The following CSMD1 variants were observed in gnomAD, a reference collection of about 807,000 sequenced individuals.
CSMD1 encodes CUB and Sushi multiple domains 1, also known as CUB and sushi domain-containing protein 1.
Under a neutral mutation model 417.5 loss-of-function variants are expected in CSMD1, and 213 were observed. That is an observed-to-expected ratio of 0.51 (90% CI 0.46 to 0.57). CSMD1 has a LOEUF of 0.57. Among genes scored for constraint, CSMD1 ranks in the 20% least tolerant of loss-of-function variants. The probability of loss-of-function intolerance (pLI) is 0.00; values close to 1 mark genes in which losing one functional copy is unlikely to be tolerated. For missense variants in CSMD1, 6,923 were observed against 4,529.7 expected, an observed-to-expected ratio of 1.53 and a Z score of -15.17; for synonymous variants, 2,862 against 1,736.8, an observed-to-expected ratio of 1.65 and a Z score of -16.11.
At chr8:4,877,123 CTTTT>C (rs1338611315) in intron 1 of CSMD1, among the ~76,000 whole-genome samples, 3 of 151,902 alleles carry the variant, frequency 2.0e-5, no homozygotes, top group South Asian at 2.1e-4. Context: ...TTAAGTTTTT[CTTTT>C]TATCATGCTC....
chr8:4,127,788 C>T (rs1275823034), intron 3 of CSMD1, among the ~76,000 whole-genome samples: 1 of 152,176 alleles, frequency 6.6e-6, no homozygotes, highest in Non-Finnish European at 1.5e-5. Context: ...AATCTTTACT[C>T]TGAAGTAGAT....
chr8:3,146,874 T>TAA (rs1818879134), intron 40 of CSMD1, among the ~76,000 whole-genome samples: 1 of 152,180 alleles, frequency 6.6e-6, no homozygotes, highest in South Asian at 2.1e-4. Flanking sequence ...ATTATTTGAC[T>TAA]AAACTGGCAA....
At chr8:4,462,833 C>A (rs962839440) in intron 2 of CSMD1, among the ~76,000 whole-genome samples, 2 of 151,956 alleles carry the variant, frequency 1.3e-5, no homozygotes, top group South Asian at 4.1e-4. Context: ...AAATCATAGA[C>A]CCAAATGTAA....
intron 30 of CSMD1, among the ~76,000 whole-genome samples, chr8:3,213,832 A>C (rs949436708): frequency 6.9e-6 from 1 of 145,156 alleles, no homozygotes; most frequent in Non-Finnish European, 1.5e-5. Context: ...GTGTCTGTGT[A>C]TGTGTGTGTG....
At chr8:3,970,585 A>G (rs1226861995) in intron 5 of CSMD1, among the ~76,000 whole-genome samples, 1 of 152,158 alleles carries the variant, frequency 6.6e-6, no homozygotes, top group Non-Finnish European at 1.5e-5. Context: ...TTAAAGACCC[A>G]ACAGAATGAA....
At chr8:3,116,697 A>G (rs145837031) in intron 42 of CSMD1, among the ~76,000 whole-genome samples, 2 of 152,232 alleles carry the variant, frequency 1.3e-5, no homozygotes, top group Non-Finnish European at 2.9e-5. Flanking sequence ...AGTTATTTCC[A>G]TATTGAAAAA....
intron 12 of CSMD1, among the ~76,000 whole-genome samples, chr8:3,441,256 A>C (rs1814965821): frequency 6.6e-6 from 1 of 151,996 alleles, no homozygotes; most frequent in Non-Finnish European, 1.5e-5. Context: ...TGGCCTCCAG[A>C]GCTTTGAGAG....
intron 1 of CSMD1, among the ~76,000 whole-genome samples, chr8:4,963,455 C>T (rs1054189135): frequency 3.3e-5 from 5 of 152,200 alleles, no homozygotes; most frequent in African/African-American, 1.2e-4. Context: ...CCACCTCGAC[C>T]TCCCAAAGTG....
intron 7 of CSMD1, among the ~76,000 whole-genome samples, chr8:3,698,229 C>T (rs1800663021): frequency 6.6e-6 from 1 of 152,130 alleles, no homozygotes; most frequent in Admixed American, 6.6e-5. Flanking sequence ...TGACAAACGC[C>T]TGTTTAGAAA....
At chr8:3,449,170 T>C (rs1815521574) in intron 12 of CSMD1, among the ~76,000 whole-genome samples, 1 of 152,224 alleles carries the variant, frequency 6.6e-6, no homozygotes, top group South Asian at 2.1e-4. Context: ...TGAAATTAGT[T>C]GGTGGGGGGA....
At chr8:4,662,560 A>G (rs572618363) in intron 1 of CSMD1, among the ~76,000 whole-genome samples, 20 of 152,300 alleles carry the variant, frequency 1.3e-4, no homozygotes, top group African/African-American at 4.8e-4. Context: ...GGAGAATGCT[A>G]ATGTAAAGAT....
At chr8:3,840,808 G>A (rs544032452) in intron 5 of CSMD1, among the ~76,000 whole-genome samples, 1 of 150,784 alleles carries the variant, frequency 6.6e-6, no homozygotes, top group Non-Finnish European at 1.5e-5. Flanking sequence ...CAATTCTCCT[G>A]TCTCAACCTT....
At chr8:3,428,358 T>C (rs139496333) in intron 12 of CSMD1, among the ~76,000 whole-genome samples, 2 of 152,306 alleles carry the variant, frequency 1.3e-5, no homozygotes, top group East Asian at 3.9e-4. Flanking sequence ...TTGCAGCTTA[T>C]GCCAATATTC....
intron 1 of CSMD1, among the ~76,000 whole-genome samples, chr8:4,649,530 T>A (rs1803749901): frequency 6.6e-6 from 1 of 152,218 alleles, no homozygotes; most frequent in African/African-American, 2.4e-5. Flanking sequence ...CCTGTGCTCA[T>A]CCTATCCTGA....
At chr8:3,643,700 C>CAAAAAAAAAAAAAAAAAAAAAAAAAAAA (rs66500235) in intron 7 of CSMD1, among the ~76,000 whole-genome samples, 2 of 85,334 alleles carry the variant, frequency 2.3e-5, no homozygotes, top group African/African-American at 9.7e-5. Flanking sequence ...GACTCCGTCT[C>CAAAAAAAAAAAAAAAAAAAAAAAAAAAA]AAAAAAAAAA....
intron 2 of CSMD1, among the ~76,000 whole-genome samples, chr8:4,462,817 A>C (rs946042664): frequency 6.6e-6 from 1 of 151,948 alleles, no homozygotes; most frequent in Non-Finnish European, 1.5e-5. Context: ...CCACAAAAAA[A>C]TTGATAAATC....
intron 5 of CSMD1, among the ~76,000 whole-genome samples, chr8:3,947,048 C>T (rs1003730064): frequency 1.3e-5 from 2 of 152,116 alleles, no homozygotes; most frequent in South Asian, 4.1e-4. Context: ...ATGGCACTTG[C>T]TTGGTAACTT....
At chr8:4,559,781 C>A (rs1798247001) in intron 2 of CSMD1, among the ~76,000 whole-genome samples, 1 of 152,242 alleles carries the variant, frequency 6.6e-6, no homozygotes, top group African/African-American at 2.4e-5. Flanking sequence ...CAGCCTGGTG[C>A]ATTTTCCACC....
At chr8:3,416,139 A>G (rs1379975647) in intron 12 of CSMD1, among the ~76,000 whole-genome samples, 1 of 145,770 alleles carries the variant, frequency 6.9e-6, no homozygotes, top group Non-Finnish European at 1.5e-5. Context: ...GTCTCTACTA[A>G]AAATACAAAA....
Sources: allele counts gnomAD v4.1 joint callset (sites outside exome capture counted in the v4.1 genomes callset), GRCh38; gene constraint gnomAD v4.1.1; transcripts MANE v1.5; gene names NCBI Gene and HGNC (gene_info 2026-07-23, HGNC 2026-07-21).